Variants in COL27A1 observed in about 807,000 individuals in gnomAD.
COL27A1 encodes the protein collagen alpha-1(XXVII) chain.
In COL27A1, 106 loss-of-function variants were observed where a neutral mutation model predicts 251.3. That is an observed-to-expected ratio of 0.42 (90% CI 0.36 to 0.50). The LOEUF (loss-of-function observed/expected upper bound fraction) is 0.50. Among genes scored for constraint, COL27A1 ranks in the 20% least tolerant of loss-of-function variants. The probability of loss-of-function intolerance (pLI) is 0.00; values close to 1 mark genes in which losing one functional copy is unlikely to be tolerated. For missense variants in COL27A1, 2,325 were observed against 2,522.8 expected (o/e 0.92, Z 1.68); for synonymous variants, 1,000 against 986.3 (o/e 1.01, Z -0.26).
intron 39 of COL27A1, among the ~76,000 whole-genome samples, chr9:114,283,194 T>TCCCTC (rs1236918322): frequency 2.0e-5 from 3 of 152,216 alleles, no homozygotes; most frequent in Non-Finnish European, 4.4e-5. Flanking sequence ...ATGTCTGGTT[T>TCCCTC]CAAGCCACTG....
chr9:114,263,181 C>T (rs913266259), intron 28 of COL27A1, among the ~76,000 whole-genome samples: 31 of 152,132 alleles, frequency 2.0e-4, no homozygotes, highest in Admixed American at 7.2e-4. Context: ...TCATGATCCG[C>T]CCACCTCATC....
chr9:114,239,220 G>A (rs1832596544), intron 19 of COL27A1, among the ~76,000 whole-genome samples: 1 of 152,240 alleles, frequency 6.6e-6, no homozygotes, highest in Admixed American at 6.5e-5. Flanking sequence ...TTATATGCAA[G>A]TGAGCATCAG....
At chr9:114,228,745 A>G (rs1280750184) in intron 14 of COL27A1, among the ~76,000 whole-genome samples, 1 of 152,208 alleles carries the variant, frequency 6.6e-6, no homozygotes, top group East Asian at 1.9e-4. Context: ...GCATTTGCTT[A>G]TTATTATCAC....
intron 34 of COL27A1, chr9:114,268,946 CAA>C: frequency 3.1e-6 from 1 of 323,926 alleles, no homozygotes; most frequent in Middle Eastern, 8.4e-4. Context: ...AAAAAACAAA[CAA>C]AAAAAGTCCT....
intron 3 of COL27A1, 54 bp downstream of exon 3, chr9:114,169,517 C>A: frequency 7.2e-7 from 1 of 1,396,732 alleles, no homozygotes. Flanking sequence ...GGGACTGGGG[C>A]ATTGGTCAAG....
At chr9:114,265,143 T>A in intron 31 of COL27A1, 33 bp downstream of exon 31, 2 of 773,008 alleles carry the variant, frequency 2.6e-6, no homozygotes, top group Non-Finnish European at 4.1e-6. Flanking sequence ...ATTCTCTACA[T>A]GGGGCTTTTG....
chr9:114,207,145 G>A (rs763933173), intron 10 of COL27A1, among the ~76,000 whole-genome samples: 1 of 152,194 alleles, frequency 6.6e-6, no homozygotes, highest in African/African-American at 2.4e-5. Context: ...CTCAGGAAGG[G>A]GGTCACACAG....
At chr9:114,239,129 G>A (rs564711958) in intron 19 of COL27A1, among the ~76,000 whole-genome samples, 2 of 152,350 alleles carry the variant, frequency 1.3e-5, no homozygotes, top group East Asian at 3.9e-4. Flanking sequence ...TCAGCACCCT[G>A]CCTGCTTCTT....
Position 114,283,773 on chromosome 9 carries a change from A to G in COL27A1, c.3933+11A>G. On this transcript the variant is annotated intron_variant, in intron 40 of 60. Coordinates refer to ENST00000356083, the MANE Select transcript of COL27A1 (RefSeq NM_032888.4). ...CTGGCTGGTTATGATGTAAGCAGAT[A>G]TCACCTCACCCCACCCCCCGACTCT... The G allele has an allele frequency of 6.2e-7, 1 of 1,613,920 alleles. No homozygotes were observed. Among genetic ancestry groups the G allele is most frequent in the Non-Finnish European group, 8.5e-7 (1 of 1,179,874 alleles).
At chr9:114,254,703 G>C (rs1020941219) in intron 27 of COL27A1, among the ~76,000 whole-genome samples, 1 of 152,304 alleles carries the variant, frequency 6.6e-6, no homozygotes, top group East Asian at 1.9e-4. Context: ...GGGGAAGCTC[G>C]CATAAACCTG....
rs200703973 is a variant in COL27A1 at position 114,240,189 on chromosome 9, G to A, written c.2728-31G>A. 5.9e-5 allele frequency: 95 copies of A among 1,603,450 alleles called. 1 individual carries two copies. The East Asian group carries it at 1.5e-3, about 25-fold the overall frequency. On this transcript the variant is annotated intron_variant, in intron 19 of 60. Coordinates refer to ENST00000356083, the MANE Select transcript of COL27A1 (RefSeq NM_032888.4). ...CCGTAGCACTCCCTTCACAGCCCCCGTGGGTGACCCTGCTCTCTGCTTCCC... is the reference window on the plus strand; with the variant it reads ...CCGTAGCACTCCCTTCACAGCCCCCATGGGTGACCCTGCTCTCTGCTTCCC...
At chr9:114,164,170 A>G (rs1208598589) in intron 2 of COL27A1, among the ~76,000 whole-genome samples, 2 of 152,178 alleles carry the variant, frequency 1.3e-5, no homozygotes, top group Non-Finnish European at 2.9e-5. Flanking sequence ...AGCCCCCTCT[A>G]TAAAGTGAGG....
At chr9:114,241,982 T>C (rs926753142) in intron 21 of COL27A1, among the ~76,000 whole-genome samples, 3 of 152,212 alleles carry the variant, frequency 2.0e-5, no homozygotes, top group Non-Finnish European at 4.4e-5. Context: ...TCACTGGAAG[T>C]CACTGTGTAG....
In COL27A1 at chr9:114,310,692, C is replaced by T. The variant is rs757035473; in HGVS notation, c.5580C>T (p.Leu1860=). The T allele has an allele frequency of 4.3e-6, 7 of 1,613,966 alleles. No homozygotes were observed. Among genetic ancestry groups the T allele is most frequent in the Non-Finnish European group, 5.9e-6 (7 of 1,180,018 alleles). The part of the protein sequence containing the change: ...YRLEVGPACF[L] ...TGGAAGTTGGACCTGCGTGCTTCCT[C>T]TGACCTCTGACCTCGTGGCCACTCT... Residue 1860 remains leucine, a synonymous_variant, in exon 61 of 61, where the codon CTC becomes CTT. Coordinates refer to ENST00000356083, the MANE Select transcript of COL27A1 (RefSeq NM_032888.4).
Position 114,211,216 on chromosome 9 carries a change from G to A in COL27A1, c.2367+190G>A, listed in dbSNP as rs184379901. On this transcript the variant is annotated intron_variant, in intron 12 of 60. Transcript: ENST00000356083. ...ACGGCGTGACTGGGGCCTGGCTGGG[G>A]CTGGGGCTTCCATGGGCTCTGGACC... Among the ~76,000 whole-genome samples, 183 of 152,360 alleles carry A rather than the reference G, an allele frequency of 1.2e-3. 3 individuals are homozygous for A. In the East Asian group the frequency reaches 0.025, roughly 21 times the overall value.
intron 51 of COL27A1, 151 bp from the exon 52 acceptor site, chr9:114,300,921 A>T (rs577192893): frequency 1.3e-5 from 11 of 816,814 alleles, no homozygotes; most frequent in Non-Finnish European, 1.9e-5. Flanking sequence ...CTAGGCACAA[A>T]TGAGGGGCTC....
Position 114,304,661 on chromosome 9 carries a change from A to C in COL27A1, c.4926A>C (p.Ala1642=). The change falls in exon 57 of 61, where the codon GCA becomes GCC. Residue 1642 remains alanine, a synonymous_variant. Transcript: ENST00000356083. ...AGACGTGGATGGACACCAGTGGAGC[A>C]CTCAGGCCAGAGGTATCTCCAGGGG... ...AFQTWMDTSG[A]LRPESYSYPD... is the part of the protein sequence containing the mutation. The C allele has an allele frequency of 6.2e-7, 1 of 1,614,072 alleles. No homozygotes were observed. Among genetic ancestry groups the C allele is most frequent in the Non-Finnish European group, 8.5e-7 (1 of 1,179,974 alleles).
In COL27A1 at chr9:114,242,217, G is replaced by T; in HGVS notation, c.2866G>T (p.Ala956Ser). 6.2e-7 allele frequency: 1 copy of T among 1,609,824 alleles called. No homozygotes were observed. Among genetic ancestry groups the T allele is most frequent in the Non-Finnish European group, 8.5e-7 (1 of 1,178,502 alleles). The change falls in exon 22 of 61, where the codon GCC (alanine) becomes TCC (serine). Residue 956 changes from alanine to serine, a missense_variant. By Grantham distance (99) the Ala-to-Ser change is moderately conservative. Coordinates refer to ENST00000356083, the MANE Select transcript of COL27A1 (RefSeq NM_032888.4). ...TGAGGGACCCATGGGGCCGCCAGGG[G>T]CCCCTGGCTTGGAGGTGAGTGTCAC... ...GDEGPMGPPG[A>S]PGLEGQPGRK...
chr9:114,191,016 G>A (rs1166001792), intron 5 of COL27A1, among the ~76,000 whole-genome samples: 1 of 152,144 alleles, frequency 6.6e-6, no homozygotes. Flanking sequence ...ACCTGTCTAG[G>A]GGTACCTTGA....
Sources: allele counts gnomAD v4.1 joint callset (sites outside exome capture counted in the v4.1 genomes callset), GRCh38; gene constraint gnomAD v4.1.1; transcripts MANE v1.5; gene names NCBI Gene and HGNC (gene_info 2026-07-23, HGNC 2026-07-21).